The following QKI variants were observed in gnomAD, a reference collection of about 807,000 sequenced individuals.
QKI encodes the protein KH domain-containing RNA-binding protein QKI.
A neutral mutation model predicts 39.0 loss-of-function variants in QKI; 10 were observed. That is an observed-to-expected ratio of 0.26 (90% CI 0.16 to 0.43). The LOEUF (loss-of-function observed/expected upper bound fraction) is 0.43. Among genes scored for constraint, QKI ranks in the 20% least tolerant of loss-of-function variants. QKI has a pLI of 1.00. For synonymous variants in QKI, 204 were observed against 155.4 expected, an observed-to-expected ratio of 1.31 and a Z score of -2.33; for missense variants, 218 against 428.0, an observed-to-expected ratio of 0.51 and a Z score of 4.33.
At chr6:163,558,796 C>CT (rs1376756827) in intron 4 of QKI, among the ~76,000 whole-genome samples, 1 of 152,164 alleles carries the variant, frequency 6.6e-6, no homozygotes, top group Non-Finnish European at 1.5e-5. Context: ...CCATCCTGGA[C>CT]TGAGACCACC....
chr6:163,504,363 A>G (rs1402878844), intron 3 of QKI, among the ~76,000 whole-genome samples: 1 of 152,094 alleles, frequency 6.6e-6, no homozygotes, highest in Non-Finnish European at 1.5e-5. Flanking sequence ...TTACATGTGA[A>G]TTTTAAAATA....
intron 1 of QKI, among the ~76,000 whole-genome samples, chr6:163,432,264 A>G (rs1788891601): frequency 6.6e-6 from 1 of 152,200 alleles, no homozygotes; most frequent in African/African-American, 2.4e-5. Context: ...CCAAAGACAA[A>G]GGCTCTCCTA....
rs1035103143 is a variant in QKI at position 163,471,077 on chromosome 6, C to G, written c.286-7703C>G. Among the ~76,000 whole-genome samples, 8 of 152,068 alleles carry G rather than the reference C, an allele frequency of 5.3e-5. No homozygotes were observed. In the East Asian group the frequency reaches 1.5e-3, roughly 29 times the overall value. On this transcript the variant is annotated intron_variant, in intron 2 of 7. Coordinates refer to ENST00000361752, the MANE Select transcript of QKI (RefSeq NM_006775.3). ...TTACTGATAAACATGATAAAGGAGACCACACCTTGGCAAGTGATAATAAAA... is the reference window on the plus strand; with the variant it reads ...TTACTGATAAACATGATAAAGGAGAGCACACCTTGGCAAGTGATAATAAAA...
intron 3 of QKI, among the ~76,000 whole-genome samples, chr6:163,525,561 G>T (rs752908946): frequency 5.3e-5 from 8 of 152,018 alleles, no homozygotes; most frequent in Non-Finnish European, 1.2e-4. Flanking sequence ...GTTTTGCCGT[G>T]TCGGCCAGGC....
chr6:163,458,144 T>A (rs1041432255), intron 2 of QKI, among the ~76,000 whole-genome samples: 3 of 152,174 alleles, frequency 2.0e-5, no homozygotes, highest in African/African-American at 7.2e-5. Flanking sequence ...GGAACTCAGA[T>A]TCAGACTTCT....
chr6:163,424,232 T>C (rs1395309470), intron 1 of QKI, among the ~76,000 whole-genome samples: 1 of 152,218 alleles, frequency 6.6e-6, no homozygotes, highest in East Asian at 1.9e-4. Context: ...TCAAAAAAAT[T>C]ACCCTGAAAC....
intron 1 of QKI, among the ~76,000 whole-genome samples, chr6:163,417,502 C>T (rs1024387208): frequency 1.3e-5 from 2 of 152,144 alleles, no homozygotes; most frequent in Admixed American, 6.5e-5. Flanking sequence ...GATCTAAAAT[C>T]TCTAAATTTA....
intron 1 of QKI, among the ~76,000 whole-genome samples, chr6:163,450,024 TAC>T (rs575946837): frequency 1.0e-3 from 155 of 152,004 alleles, no homozygotes; most frequent in South Asian, 1.9e-3. Context: ...AACATATATA[TAC>T]ACACACATAT....
chr6:163,570,536 G>A (rs1325602965), intron 7 of QKI, 158 bp from the exon 8 acceptor site: 1 of 982,644 alleles, frequency 1.0e-6, no homozygotes, highest in Admixed American at 6.2e-5. Context: ...TCTGTAGATG[G>A]TGTCAATCAG....
At chr6:163,469,588 C>T (rs7755028) in intron 2 of QKI, among the ~76,000 whole-genome samples, 4,233 of 152,248 alleles carry the variant, frequency 0.028, 193 homozygotes, top group African/African-American at 0.096. Context: ...ATTTACTTCA[C>T]TCCTTGCCAC....
intron 3 of QKI, among the ~76,000 whole-genome samples, chr6:163,521,567 G>C (rs1562509514): frequency 6.6e-6 from 1 of 152,168 alleles, no homozygotes; most frequent in Non-Finnish European, 1.5e-5. Flanking sequence ...CTGTCGCCCA[G>C]GCTGGAGTGC....
At chr6:163,558,521 T>A (rs565909190) in intron 4 of QKI, among the ~76,000 whole-genome samples, 1 of 151,744 alleles carries the variant, frequency 6.6e-6, no homozygotes, top group Non-Finnish European at 1.5e-5. Context: ...TTCCTCAGCC[T>A]CCTAAGTAGC....
intron 1 of QKI, among the ~76,000 whole-genome samples, chr6:163,425,514 A>G (rs371452353): frequency 1.1e-4 from 16 of 152,362 alleles, no homozygotes; most frequent in African/African-American, 3.8e-4. Flanking sequence ...ATATGGGTTT[A>G]AAGTAGACAT....
chr6:163,483,411 AGC>A (rs1240090064), intron 3 of QKI, among the ~76,000 whole-genome samples: 1 of 152,190 alleles, frequency 6.6e-6, no homozygotes, highest in Non-Finnish European at 1.5e-5. Flanking sequence ...AGATGTCTCT[AGC>A]ATGCAGTGCT....
chr6:163,489,314 G>A (rs528365787), intron 3 of QKI, among the ~76,000 whole-genome samples: 6 of 152,008 alleles, frequency 3.9e-5, no homozygotes, highest in South Asian at 2.1e-4. Context: ...GATGGTTTGC[G>A]TTACCATCAG....
intron 3 of QKI, among the ~76,000 whole-genome samples, chr6:163,483,264 C>CT (rs1458927837): frequency 2.0e-5 from 3 of 152,134 alleles, no homozygotes; most frequent in Admixed American, 6.5e-5. Flanking sequence ...GGTGGAAGGC[C>CT]TTGCCTGGAT....
At chr6:163,551,691 C>CTT (rs942398079) in intron 4 of QKI, among the ~76,000 whole-genome samples, 1 of 152,208 alleles carries the variant, frequency 6.6e-6, no homozygotes, top group African/African-American at 2.4e-5. Flanking sequence ...TGCTTGATAG[C>CTT]TTAGAAATCT....
chr6:163,457,961 A>C (rs1472891668), intron 2 of QKI, among the ~76,000 whole-genome samples: 1 of 152,122 alleles, frequency 6.6e-6, no homozygotes, highest in Non-Finnish European at 1.5e-5. Context: ...GGGAATGGAG[A>C]GACAGGAACA....
At position 163,576,240 on chromosome 6, in the gene QKI, T is replaced by C. The variant is rs1783968840; in HGVS notation, c.*5530T>C. 6.6e-6 allele frequency: 1 copy of C among 152,150 alleles called. No individual in the cohort carries two copies. Among genetic ancestry groups the C allele is most frequent in the African/African-American group, 2.4e-5 (1 of 41,446 alleles). 9.4% of individuals were successfully genotyped at this position (152,150 alleles called of 1,614,324 possible). ...ACATTATATGCACTCGTGCCTTCAA[T>C]GTGGAATCAAACTGGTTAACCTCAG... On this transcript the variant is annotated 3_prime_UTR_variant, in exon 8 of 8. Transcript: ENST00000361752.
Sources: gnomAD v4.1 joint callset for allele counts (sites outside exome capture counted in the v4.1 genomes callset) on GRCh38, gnomAD v4.1.1 for gene constraint, MANE v1.5 for transcripts, NCBI Gene and HGNC (gene_info 2026-07-23, HGNC 2026-07-21) for gene names.